PRKN: variants seen among roughly 807,000 people sequenced by gnomAD.
PRKN encodes the protein E3 ubiquitin-protein ligase parkin.
PRKN carries 56 observed loss-of-function variants against 59.5 expected under a neutral mutation model. The observed-to-expected ratio is 0.94, with a 90% CI of 0.76 to 1.18. The LOEUF (loss-of-function observed/expected upper bound fraction) is 1.18. Among genes scored for constraint, PRKN ranks in the 50% most tolerant of loss-of-function variants. The probability of loss-of-function intolerance (pLI) is 0.00; values close to 1 mark genes in which losing one functional copy is unlikely to be tolerated. For synonymous variants in PRKN, 250 were observed against 222.1 expected (o/e 1.13, Z -1.12); for missense variants, 657 against 596.4 (o/e 1.10, Z -1.06).
Position 162,054,089 on chromosome 6 carries a change from A to G in PRKN, c.618+2T>C. The stretch of plus-strand genomic sequence containing the variant: ...GAGGAATGAATGTGACCAGGTACTT[A>G]CTGCACTAGTCCCAGGGCAGTGTGG... On this transcript the variant is annotated splice_donor_variant, in intron 5 of 11. Coordinates refer to ENST00000366898, the MANE Select transcript of PRKN (RefSeq NM_004562.3). LOFTEE classifies it high-confidence loss of function. 1 of 1,584,064 alleles carries G rather than the reference A, an allele frequency of 6.3e-7. No homozygotes were observed. The highest frequency in any genetic ancestry group is 8.7e-7 in the Non-Finnish European group (1 of 1,152,374).
At chr6:161,912,586 G>A (rs912218770) in intron 6 of PRKN, among the ~76,000 whole-genome samples, 3 of 152,010 alleles carry the variant, frequency 2.0e-5, no homozygotes, top group African/African-American at 7.2e-5. Context: ...GTGGAGAGGT[G>A]GTATGGAGGG....
intron 1 of PRKN, among the ~76,000 whole-genome samples, chr6:162,684,131 A>G (rs1412854941): frequency 6.6e-6 from 1 of 152,114 alleles, no homozygotes; most frequent in Non-Finnish European, 1.5e-5. Context: ...AGATGTTCCA[A>G]TCCATTTTAA....
rs373882086 is a variant in PRKN at position 162,250,095 on chromosome 6, G to A, written c.412+12430C>T. ...CAGGACGCAGAGGTTGCAGTGAGCC[G>A]AGATCACACCACAGGACTCCAGCCT... On this transcript the variant is annotated intron_variant, in intron 3 of 11. Transcript: ENST00000366898. Among the ~76,000 whole-genome samples the A allele has an allele frequency of 1.3e-4, 19 of 150,564 alleles. No individual in the cohort carries two copies. The South Asian group carries it at 1.9e-3, about 15-fold the overall frequency.
At chr6:161,504,025 T>G (rs759479472) in intron 9 of PRKN, among the ~76,000 whole-genome samples, 12 of 152,246 alleles carry the variant, frequency 7.9e-5, no homozygotes, top group Non-Finnish European at 1.2e-4. Flanking sequence ...GTGTTAGGTC[T>G]GTCCTTGTTA....
intron 3 of PRKN, among the ~76,000 whole-genome samples, chr6:162,217,508 C>T (rs555579941): frequency 1.3e-5 from 2 of 152,244 alleles, no homozygotes; most frequent in East Asian, 3.9e-4. Context: ...TGCCTCCCTC[C>T]CAAGTAGCTG....
chr6:162,574,925 T>TC (rs11380852), intron 1 of PRKN, among the ~76,000 whole-genome samples: 80,527 of 151,876 alleles, frequency 0.53, 21,668 homozygotes, highest in East Asian at 0.71. Context: ...AGTTGAGTTT[T>TC]CCCCTTTCAC....
chr6:162,710,855 T>C (rs1778512174), intron 1 of PRKN, among the ~76,000 whole-genome samples: 1 of 152,150 alleles, frequency 6.6e-6, no homozygotes, highest in South Asian at 2.1e-4. Context: ...TGAATCTCCC[T>C]AAAGAGGTGG....
chr6:162,488,328 T>C (rs1355226167), intron 1 of PRKN, among the ~76,000 whole-genome samples: 2 of 152,164 alleles, frequency 1.3e-5, no homozygotes, highest in African/African-American at 4.8e-5. Context: ...GAATTTCCAT[T>C]TTTACTCATG....
chr6:162,674,825 G>C (rs1202161783), intron 1 of PRKN, among the ~76,000 whole-genome samples: 1 of 152,100 alleles, frequency 6.6e-6, no homozygotes, highest in East Asian at 1.9e-4. Context: ...ATACAGACTG[G>C]AAACAAGACA....
intron 7 of PRKN, among the ~76,000 whole-genome samples, chr6:161,649,189 CCAGCTGACT>C (rs1476495938): frequency 6.6e-6 from 1 of 151,986 alleles, no homozygotes; most frequent in East Asian, 1.9e-4. Flanking sequence ...TAAAAGAGGC[CCAGCTGACT>C]CACATCAGTA....
intron 7 of PRKN, among the ~76,000 whole-genome samples, chr6:161,637,360 C>T (rs771743175): frequency 6.6e-6 from 1 of 151,448 alleles, no homozygotes; most frequent in Non-Finnish European, 1.5e-5. Context: ...GGCTGCCATA[C>T]ATTTTATTGA....
chr6:162,339,387 T>A (rs1333951944), intron 2 of PRKN, among the ~76,000 whole-genome samples: 2 of 108,446 alleles, frequency 1.8e-5, no homozygotes, highest in Non-Finnish European at 3.8e-5. Flanking sequence ...GGGAGGGAGG[T>A]GGGGGGGTCA....
chr6:162,680,883 C>T (rs1294886297), intron 1 of PRKN, among the ~76,000 whole-genome samples: 2 of 151,918 alleles, frequency 1.3e-5, no homozygotes, highest in East Asian at 1.9e-4. Context: ...AACTGTTTTC[C>T]GAATTGTCCT....
chr6:162,599,359 C>A (rs1781610909), intron 1 of PRKN, among the ~76,000 whole-genome samples: 2 of 152,042 alleles, frequency 1.3e-5, no homozygotes. Context: ...CCAGGAAAGT[C>A]CACCCGACCT....
intron 7 of PRKN, among the ~76,000 whole-genome samples, chr6:161,595,950 A>G (rs1781897560): frequency 6.6e-6 from 1 of 152,222 alleles, no homozygotes. Context: ...TTTGAAACAG[A>G]AAGACAAGAA....
At chr6:161,647,340 C>T (rs537902283) in intron 7 of PRKN, among the ~76,000 whole-genome samples, 1 of 152,330 alleles carries the variant, frequency 6.6e-6, no homozygotes, top group Non-Finnish European at 1.5e-5. Context: ...AATAGCATCT[C>T]GTCGACAGGC....
At chr6:161,649,107 G>A (rs546506299) in intron 7 of PRKN, among the ~76,000 whole-genome samples, 16 of 152,270 alleles carry the variant, frequency 1.1e-4, no homozygotes, top group Admixed American at 3.3e-4. Context: ...TGTCAAATGT[G>A]CTGAAATCAG....
At chr6:162,520,613 G>A (rs552899852) in intron 1 of PRKN, among the ~76,000 whole-genome samples, 10 of 152,224 alleles carry the variant, frequency 6.6e-5, no homozygotes, top group African/African-American at 2.4e-4. Flanking sequence ...TACAAAATCT[G>A]TTCAAACACA....
intron 1 of PRKN, among the ~76,000 whole-genome samples, chr6:162,632,202 C>A (rs1369544936): frequency 6.6e-6 from 1 of 152,126 alleles, no homozygotes; most frequent in Non-Finnish European, 1.5e-5. Context: ...AAGACACATG[C>A]ACTCACCTGT....
Sources: gnomAD v4.1 joint callset for allele counts (sites outside exome capture counted in the v4.1 genomes callset) on GRCh38, gnomAD v4.1.1 for gene constraint, MANE v1.5 for transcripts, NCBI Gene and HGNC (gene_info 2026-07-23, HGNC 2026-07-21) for gene names.